The following CFAP96 variants were observed in gnomAD, a reference collection of about 807,000 sequenced individuals.
The protein encoded by CFAP96 is cilia-and flagella-associated protein 96.
chr4:185,408,475 G>C, the CFAP96 span: 1 of 1,583,946 alleles, frequency 6.3e-7, no homozygotes, highest in Non-Finnish European at 8.6e-7. Context: ...ATTAACTTAG[G>C]ATAGAAGTAC....
At chr4:185,433,533 A>AAT in the CFAP96 span, among the ~76,000 whole-genome samples, 34,685 of 152,100 alleles carry the variant, frequency 0.23, 4,756 homozygotes, top group African/African-American at 0.38. Context: ...ATACTAGTAA[A>AAT]ACTACTTTGT....
At chr4:185,442,008 G>T in the CFAP96 span, among the ~76,000 whole-genome samples, 1 of 151,988 alleles carries the variant, frequency 6.6e-6, no homozygotes, top group Admixed American at 6.5e-5. Flanking sequence ...CCATTACTTT[G>T]AAATGCCATG....
At chr4:185,413,879 TAAATC>T in the CFAP96 span, 4 of 1,583,954 alleles carry the variant, frequency 2.5e-6, no homozygotes, top group South Asian at 1.2e-5. Context: ...ACTCCTAAAA[TAAATC>T]AGAATCAACA....
chr4:185,426,094 G>A, the CFAP96 span: 7 of 594,994 alleles, frequency 1.2e-5, no homozygotes, highest in South Asian at 2.1e-5. Flanking sequence ...AATTCTATTA[G>A]TTAAGTCTTT....
the CFAP96 span, among the ~76,000 whole-genome samples, chr4:185,434,844 G>A: frequency 3.9e-5 from 6 of 152,146 alleles, no homozygotes; most frequent in Admixed American, 3.9e-4. Flanking sequence ...GTTCAAGCGA[G>A]ATTCTCCTGC....
the CFAP96 span, among the ~76,000 whole-genome samples, chr4:185,419,923 G>A: frequency 6.6e-5 from 10 of 152,166 alleles, no homozygotes; most frequent in African/African-American, 1.9e-4. Flanking sequence ...TCTCTTGGGT[G>A]ATCACCTAGA....
the CFAP96 span, among the ~76,000 whole-genome samples, chr4:185,421,594 T>C: frequency 6.6e-6 from 1 of 152,206 alleles, no homozygotes; most frequent in African/African-American, 2.4e-5. Flanking sequence ...ATTGAAAGTT[T>C]CCTGAGCCTC....
the CFAP96 span, among the ~76,000 whole-genome samples, chr4:185,431,720 C>G: frequency 6.6e-6 from 1 of 152,190 alleles, no homozygotes. Flanking sequence ...TGAATTAGAT[C>G]ATTTTAAGGT....
the CFAP96 span, among the ~76,000 whole-genome samples, chr4:185,412,399 C>T: frequency 1.3e-5 from 2 of 152,080 alleles, no homozygotes; most frequent in African/African-American, 4.8e-5. Flanking sequence ...CAAGTGGGCC[C>T]CTAACTCATC....
At chr4:185,432,119 CA>C in the CFAP96 span, 3 of 1,551,718 alleles carry the variant, frequency 1.9e-6, no homozygotes, top group Non-Finnish European at 2.6e-6. Flanking sequence ...AAATCTGAAT[CA>C]AGTGAGGAGA....
the CFAP96 span, among the ~76,000 whole-genome samples, chr4:185,429,673 C>CATTT: frequency 1.3e-5 from 2 of 152,026 alleles, no homozygotes; most frequent in African/African-American, 4.8e-5. Flanking sequence ...TAAGCGATAT[C>CATTT]ATTTATTTAT....
chr4:185,436,311 G>A, the CFAP96 span: 16 of 1,551,012 alleles, frequency 1.0e-5, no homozygotes, highest in African/African-American at 1.9e-4. Flanking sequence ...TAGGTAAACA[G>A]TTTTCACACT....
At chr4:185,411,413 C>A in the CFAP96 span, among the ~76,000 whole-genome samples, 1 of 151,832 alleles carries the variant, frequency 6.6e-6, no homozygotes, top group Non-Finnish European at 1.5e-5. Context: ...ATTTAGTAAA[C>A]CAGTATATCA....
chr4:185,418,446 C>T, the CFAP96 span: 10 of 1,606,748 alleles, frequency 6.2e-6, no homozygotes, highest in Non-Finnish European at 8.5e-6. Flanking sequence ...CTTACCATGT[C>T]TGATAACTTT....
the CFAP96 span, among the ~76,000 whole-genome samples, chr4:185,425,212 T>A: frequency 6.6e-6 from 1 of 152,094 alleles, no homozygotes; most frequent in Non-Finnish European, 1.5e-5. Flanking sequence ...CACAACAGGA[T>A]GTATGGTGGT....
chr4:185,435,539 T>A, the CFAP96 span, among the ~76,000 whole-genome samples: 1 of 152,196 alleles, frequency 6.6e-6, no homozygotes, highest in Non-Finnish European at 1.5e-5. Context: ...CCCAGAAAAT[T>A]TAACATTAAA....
At chr4:185,424,984 C>T in the CFAP96 span, among the ~76,000 whole-genome samples, 1 of 152,166 alleles carries the variant, frequency 6.6e-6, no homozygotes, top group Non-Finnish European at 1.5e-5. Flanking sequence ...TGCAATAGCC[C>T]ATTCCAGGCA....
At chr4:185,414,923 C>T in the CFAP96 span, among the ~76,000 whole-genome samples, 3,850 of 152,018 alleles carry the variant, frequency 0.025, 77 homozygotes, top group Non-Finnish European at 0.042. Flanking sequence ...TGAACCACAC[C>T]GAGCATTTAA....
the CFAP96 span, chr4:185,440,464 T>G: frequency 2.3e-6 from 2 of 888,810 alleles, no homozygotes; most frequent in Non-Finnish European, 3.4e-6. Flanking sequence ...TATATTAAAA[T>G]GTAAAAGATT....
Sources: allele counts gnomAD v4.1 joint callset (sites outside exome capture counted in the v4.1 genomes callset), GRCh38; gene constraint gnomAD v4.1.1; transcripts MANE v1.5; gene names NCBI Gene and HGNC (gene_info 2026-07-23, HGNC 2026-07-21).